Variants in ANKS6 observed in about 807,000 individuals in gnomAD.
The protein encoded by ANKS6 is ankyrin repeat and SAM domain-containing protein 6.
A neutral mutation model predicts 77.9 loss-of-function variants in ANKS6; 47 were observed. The ratio of observed to expected loss-of-function variants is 0.60; its 90% CI spans 0.48 to 0.77. The LOEUF is 0.77. Ranked by LOEUF, ANKS6 falls within the 30% of genes least tolerant of loss-of-function variation. The probability of loss-of-function intolerance (pLI) is 0.00; values close to 1 mark genes in which losing one functional copy is unlikely to be tolerated. For synonymous variants in ANKS6, 488 were observed against 501.7 expected (o/e 0.97, Z 0.37); for missense variants, 1,150 against 1,159.1 (o/e 0.99, Z 0.11).
In ANKS6 at chr9:98,736,021, T is replaced by G; in HGVS notation, c.*498A>C. On this transcript the variant is annotated 3_prime_UTR_variant, in exon 15 of 15. Coordinates refer to ENST00000353234, the MANE Select transcript of ANKS6 (RefSeq NM_173551.5). The stretch of plus-strand genomic sequence containing the variant: ...ACATACCCCCCATCTAAGTCAAAAG[T>G]TGTTGCTGGGAAGCCACTATGTGGA... 5 of 1,206,788 alleles carry G rather than the reference T, an allele frequency of 4.1e-6. No individual in the cohort carries two copies. The highest frequency in any genetic ancestry group is 5.1e-6 in the Non-Finnish European group (5 of 972,796). 74.8% of individuals were successfully genotyped at this position (1,206,788 alleles called of 1,614,324 possible).
intron 2 of ANKS6, among the ~76,000 whole-genome samples, chr9:98,789,637 T>C (rs887303661): frequency 6.6e-6 from 1 of 152,212 alleles, no homozygotes; most frequent in African/African-American, 2.4e-5. Flanking sequence ...AACCTAGCCA[T>C]ACCTGACTCA....
intron 14 of ANKS6, among the ~76,000 whole-genome samples, chr9:98,743,187 C>A (rs981886701): frequency 6.6e-6 from 1 of 152,200 alleles, no homozygotes; most frequent in Non-Finnish European, 1.5e-5. Flanking sequence ...ATTTTACTCA[C>A]TCCATCCTCT....
chr9:98,749,829 A>T (rs747840960), intron 13 of ANKS6, among the ~76,000 whole-genome samples: 6 of 152,184 alleles, frequency 3.9e-5, no homozygotes, highest in Non-Finnish European at 4.4e-5. Flanking sequence ...CGAGCTCCTC[A>T]ACTGCATCTC....
rs752693020 is a variant in ANKS6, at chr9:98,774,071, C to T, written c.1627G>A (p.Gly543Arg). 8.8e-6 allele frequency: 13 copies of T among 1,480,944 alleles called. No individual in the cohort carries two copies. The highest frequency in any genetic ancestry group is 3.6e-4 in the Middle Eastern group (2 of 5,532). The allele number at this position is 1,480,944 out of a possible 1,614,324, so 91.7% of individuals were successfully genotyped here. ...DTLLTTMLRN[G>R]APLTRLPSDK... ...CTCGGGAGTCTGGTGAGGGGAGCTC[C>T]GTTTCGAAGCTGAAAAAGACAGGCT... Residue 543 changes from glycine to arginine, a missense_variant, in exon 9 of 15, where the codon GGA (glycine) becomes AGA (arginine). Transcript: ENST00000353234.
chr9:98,751,035 T>C lies in ANKS6; in HGVS notation c.2388A>G (p.Glu796=), dbSNP rs1411669723. 1 of 1,608,494 alleles carries C rather than the reference T, an allele frequency of 6.2e-7. No individual in the cohort carries two copies. Among genetic ancestry groups the C allele is most frequent in the African/African-American group, 1.3e-5 (1 of 74,750 alleles). Residue 796 remains glutamate, a synonymous_variant, in exon 13 of 15, where the codon GAA becomes GAG. Transcript: ENST00000353234. ...TCAAAAAGAGCATTCTTACCTCTTGTTCCTCAAAAATGGGCTGATATTTCT... is the reference window on the plus strand; with the variant it reads ...TCAAAAAGAGCATTCTTACCTCTTGCTCCTCAAAAATGGGCTGATATTTCT... ...SLEKYQPIFE[E]QEVDMEAFLT... is the part of the protein sequence containing the mutation.
At chr9:98,746,488 G>A (rs1832138896) in intron 13 of ANKS6, among the ~76,000 whole-genome samples, 1 of 152,150 alleles carries the variant, frequency 6.6e-6, no homozygotes, top group South Asian at 2.1e-4. Flanking sequence ...ACCTTCTGAG[G>A]ACTTCAGATA....
chr9:98,796,312 TGCGGCCCCGGGCCCGGCCACC>T lies in ANKS6; in HGVS notation c.159_179del (p.Val54_Ala60del). 1.6e-6 allele frequency: 2 copies of T among 1,248,252 alleles called. No individual in the cohort carries two copies. Among genetic ancestry groups the T allele is most frequent in the Non-Finnish European group, 2.0e-6 (2 of 996,276 alleles). The allele number at this position is 1,248,252 out of a possible 1,614,324, so 77.3% of individuals were successfully genotyped here. On this transcript the variant is annotated inframe_deletion, in exon 1 of 15. Transcript: ENST00000353234. ...CCGGAGCCCCGACTGCCCCCGCCGC[TGCGGCCCCGGGCCCGGCCACC>T]TCGGCCCCCGCCGGCTCCGCGCCCG...
At chr9:98,782,373 G>T in intron 5 of ANKS6, 94 bp downstream of exon 5, 1 of 1,159,722 alleles carries the variant, frequency 8.6e-7, no homozygotes. Flanking sequence ...ATAAGCAAGT[G>T]CTTAAAACAC....
Position 98,795,190 on chromosome 9 carries a change from G to A in ANKS6, c.359+943C>T, listed in dbSNP as rs536688167. 3.3e-5 allele frequency among the ~76,000 whole-genome samples: 5 copies of A among 152,164 alleles called. No homozygotes were observed. In the South Asian group the frequency reaches 8.3e-4, roughly 25 times the overall value. ...AAATTCATCTGGGTGCCCTCCCTCC[G>A]CTGTCTCCATTCTGGTCTAGGCCAC... is the stretch of plus-strand genomic sequence containing the variant. On this transcript the variant is annotated intron_variant, in intron 1 of 14. Coordinates refer to ENST00000353234, the MANE Select transcript of ANKS6 (RefSeq NM_173551.5).
Position 98,778,417 on chromosome 9 carries a change from C to A in ANKS6, c.1376G>T (p.Trp459Leu). The change falls in exon 7 of 15, where the codon TGG becomes TTG. Residue 459 changes from tryptophan (W) to leucine (L), a missense_variant. Physicochemically the swap from Trp to Leu is moderately conservative, Grantham distance 61. Coordinates refer to ENST00000353234, the MANE Select transcript of ANKS6 (RefSeq NM_173551.5). ...TCGGAACCGATTGGACATTCGGTTCCACCAGGACTGCCAAAGGAACGCAGA... is the reference window on the plus strand; with the variant it reads ...TCGGAACCGATTGGACATTCGGTTCAACCAGGACTGCCAAAGGAACGCAGA... ...PDDKGGLKSW[W>L]NRMSNRFRKL... is the part of the protein sequence containing the mutation. 1 of 1,613,834 alleles carries A rather than the reference C, an allele frequency of 6.2e-7. No homozygotes were observed. The highest frequency in any genetic ancestry group is 2.2e-5 in the East Asian group (1 of 44,862).
intron 9 of ANKS6, among the ~76,000 whole-genome samples, chr9:98,772,480 C>A (rs1833696140): frequency 6.6e-6 from 1 of 152,328 alleles, no homozygotes; most frequent in East Asian, 1.9e-4. Context: ...TTAAGCCATG[C>A]AGTTTGTGGT....
At chr9:98,772,429 T>C (rs1833693720) in intron 9 of ANKS6, among the ~76,000 whole-genome samples, 1 of 152,140 alleles carries the variant, frequency 6.6e-6, no homozygotes, top group Non-Finnish European at 1.5e-5. Context: ...GATTTCAGAC[T>C]TTCTGCCTGC....
At chr9:98,740,253 A>G (rs1299601348) in intron 14 of ANKS6, among the ~76,000 whole-genome samples, 1 of 152,078 alleles carries the variant, frequency 6.6e-6, no homozygotes, top group Non-Finnish European at 1.5e-5. Context: ...CCTAGACTCG[A>G]GAGGACAGTA....
chr9:98,771,067 C>A, intron 9 of ANKS6, 21 bp from the exon 10 acceptor site: 1 of 1,513,992 alleles, frequency 6.6e-7, no homozygotes, highest in Non-Finnish European at 8.9e-7. Context: ...AAGGCAGGTG[C>A]AGCACTTAGG....
intron 8 of ANKS6, among the ~76,000 whole-genome samples, chr9:98,776,585 G>C (rs188027457): frequency 3.9e-5 from 6 of 152,158 alleles, no homozygotes; most frequent in South Asian, 2.1e-4. Flanking sequence ...ATTTTTAGTA[G>C]AGATGAGGTT....
In ANKS6 at chr9:98,735,630, C is replaced by T. The variant is rs749330000; in HGVS notation, c.*889G>A. 20 of 1,231,594 alleles carry T rather than the reference C, an allele frequency of 1.6e-5. No individual in the cohort carries two copies. Among genetic ancestry groups the T allele is most frequent in the African/African-American group, 3.1e-5 (2 of 64,414 alleles). The allele number at this position is 1,231,594 out of a possible 1,614,324, so 76.3% of individuals were successfully genotyped here. ...GCTTCCACTTTCAGTGCAGAAAGCC[C>T]TGCAGTGATACAGGTGAGCACTGTG... On this transcript the variant is annotated 3_prime_UTR_variant, in exon 15 of 15. Coordinates refer to ENST00000353234, the MANE Select transcript of ANKS6 (RefSeq NM_173551.5).
chr9:98,758,680 C>T (rs1047550060), intron 11 of ANKS6, among the ~76,000 whole-genome samples: 7 of 152,170 alleles, frequency 4.6e-5, no homozygotes, highest in Non-Finnish European at 7.4e-5. Flanking sequence ...TGATTCATAC[C>T]GATACCTCTG....
rs1177368028 is a variant in ANKS6, at chr9:98,796,225, GC to G, written c.266del (p.Gly89AlafsTer36). 36 of 1,407,066 alleles carry G rather than the reference GC, an allele frequency of 2.6e-5. No homozygotes were observed. The highest frequency in any genetic ancestry group is 9.0e-5 in the South Asian group (6 of 66,610). The allele number at this position is 1,407,066 out of a possible 1,614,324, so 87.2% of individuals were successfully genotyped here. The part of the protein sequence containing the change: ...NTALQFAAAG[G>X]HEPLVRFLLR... ...GCAGGAAGCGCACCAGCGGTTCGTG[GC>G]CCCCGGCCGCGGCGAACTGCAGTGC... is the stretch of plus-strand genomic sequence containing the variant. On this transcript the variant is annotated frameshift_variant, in exon 1 of 15. Transcript: ENST00000353234. LOFTEE classifies it high-confidence loss of function.
rs181546859 is a variant in ANKS6 at position 98,790,434 on chromosome 9, C to G, written c.532G>C (p.Glu178Gln). 2 of 1,613,772 alleles carry G rather than the reference C, an allele frequency of 1.2e-6. No homozygotes were observed. Among genetic ancestry groups the G allele is most frequent in the Non-Finnish European group, 8.5e-7 (1 of 1,180,006 alleles). ...CTGCTGCCGCCCAACCCCAGTTGCT[C>G]GCCTGAAGGGTGGTGATGGTCCACA... Reference protein sequence around the residue: ...AFVDHHHPSGEQLGLGGSRDE... With the variant: ...AFVDHHHPSGQQLGLGGSRDE... Residue 178 changes from glutamate (E) to glutamine (Q), a missense_variant, in exon 2 of 15, where the codon GAG (glutamate) becomes CAG (glutamine). Coordinates refer to ENST00000353234, the MANE Select transcript of ANKS6 (RefSeq NM_173551.5).
Sources: gnomAD v4.1 joint callset for allele counts (sites outside exome capture counted in the v4.1 genomes callset) on GRCh38, gnomAD v4.1.1 for gene constraint, MANE v1.5 for transcripts, NCBI Gene and HGNC (gene_info 2026-07-23, HGNC 2026-07-21) for gene names.